Variants in IPO8 observed in about 807,000 individuals in gnomAD.
The protein encoded by IPO8 is importin 8, also known as importin-8.
A neutral mutation model predicts 141.2 loss-of-function variants in IPO8; 65 were observed. The ratio of observed to expected loss-of-function variants is 0.46; its 90% CI spans 0.38 to 0.57. The LOEUF (loss-of-function observed/expected upper bound fraction) is 0.57, where lower values mean the gene tolerates loss of function less well. IPO8 is among the 20% of genes least tolerant of loss of function. The pLI, the probability that IPO8 is intolerant of heterozygous loss-of-function variation, is 0.00. For missense variants in IPO8, 980 were observed against 1,246.8 expected (o/e 0.79, Z 3.22); for synonymous variants, 411 against 420.3 (o/e 0.98, Z 0.27).
chr12:30,693,596 T>C (rs538108915), intron 1 of IPO8, among the ~76,000 whole-genome samples: 1 of 152,220 alleles, frequency 6.6e-6, no homozygotes, highest in Non-Finnish European at 1.5e-5. Context: ...CAAAGTCGGA[T>C]GTTACAGTGG....
chr12:30,651,674 T>C (rs749882723), intron 19 of IPO8, among the ~76,000 whole-genome samples: 17 of 152,068 alleles, frequency 1.1e-4, no homozygotes, highest in Non-Finnish European at 4.4e-5. Context: ...GCCAAACCTA[T>C]CTTGTGGCAA....
At chr12:30,675,707 G>A (rs911123936) in intron 6 of IPO8, among the ~76,000 whole-genome samples, 1 of 151,246 alleles carries the variant, frequency 6.6e-6, no homozygotes, top group African/African-American at 2.4e-5. Flanking sequence ...AGCCGGGCGT[G>A]GTGGCGAGCA....
At chr12:30,648,059 TTAA>T (rs1378272337) in intron 20 of IPO8, among the ~76,000 whole-genome samples, 5 of 152,146 alleles carry the variant, frequency 3.3e-5, no homozygotes, top group African/African-American at 1.2e-4. Context: ...CCTCAAATGA[TTAA>T]ACACAGAATG....
At chr12:30,671,439 C>T (rs1256685192) in intron 8 of IPO8, among the ~76,000 whole-genome samples, 1 of 151,834 alleles carries the variant, frequency 6.6e-6, no homozygotes, top group Non-Finnish European at 1.5e-5. Context: ...TTTGGGAGGC[C>T]GAGGCGGGCG....
At chr12:30,652,842 T>C (rs986424047) in intron 18 of IPO8, 125 bp downstream of exon 18, 1 of 908,304 alleles carries the variant, frequency 1.1e-6, no homozygotes, top group Non-Finnish European at 1.6e-6. Flanking sequence ...CCAGCTTTTA[T>C]GTGACCGGGA....
At position 30,637,205 on chromosome 12, in the gene IPO8, A is replaced by G. The variant is rs1343909341; in HGVS notation, c.2490-18T>C. 1.3e-6 allele frequency: 2 copies of G among 1,586,730 alleles called. No individual in the cohort carries two copies. The highest frequency in any genetic ancestry group is 1.7e-6 in the Non-Finnish European group (2 of 1,157,280). On this transcript the variant is annotated intron_variant, in intron 21 of 24. Coordinates refer to ENST00000256079, the MANE Select transcript of IPO8 (RefSeq NM_006390.4). ...CATGATGCCTGCAAATTTTGAAGAA[A>G]AAAAAAATGTAGACATGAGAAGTGG...
chr12:30,631,702 G>A, intron 24 of IPO8, 193 bp downstream of exon 24: 1 of 496,710 alleles, frequency 2.0e-6, no homozygotes, highest in Non-Finnish European at 3.6e-6. Flanking sequence ...ATATTAATGT[G>A]CAGGTTTTTG....
intron 22 of IPO8, among the ~76,000 whole-genome samples, chr12:30,636,487 C>T (rs2052503351): frequency 6.6e-6 from 1 of 151,936 alleles, no homozygotes; most frequent in Non-Finnish European, 1.5e-5. Flanking sequence ...ATATTTAAAT[C>T]ACAAATATGG....
intron 10 of IPO8, among the ~76,000 whole-genome samples, chr12:30,666,635 G>A: frequency 6.6e-6 from 1 of 152,118 alleles, no homozygotes. Flanking sequence ...AGGTTCTCAC[G>A]GAGCTTATGT....
intron 10 of IPO8, among the ~76,000 whole-genome samples, chr12:30,666,612 A>G (rs2052969020): frequency 6.6e-6 from 1 of 152,204 alleles, no homozygotes; most frequent in Admixed American, 6.5e-5. Flanking sequence ...GGGGATACAA[A>G]GATCAAACAA....
At chr12:30,670,002 C>G (rs558493168) in intron 9 of IPO8, among the ~76,000 whole-genome samples, 1 of 152,080 alleles carries the variant, frequency 6.6e-6, no homozygotes, top group Non-Finnish European at 1.5e-5. Flanking sequence ...TAAGGATCAG[C>G]GTTTTCTTAT....
intron 22 of IPO8, among the ~76,000 whole-genome samples, chr12:30,635,157 C>T (rs2052484227): frequency 6.6e-6 from 1 of 152,006 alleles, no homozygotes; most frequent in Admixed American, 6.6e-5. Context: ...TTACCAGAGG[C>T]TAGAGGTGGT....
chr12:30,677,605 C>T (rs561356090), intron 5 of IPO8, among the ~76,000 whole-genome samples: 68 of 151,788 alleles, frequency 4.5e-4, no homozygotes, highest in African/African-American at 1.6e-3. Context: ...GAAATGAAGA[C>T]ACTCCAGCAG....
intron 5 of IPO8, among the ~76,000 whole-genome samples, chr12:30,680,139 T>TTCCTTCTTCTTC (rs1365569857): frequency 1.4e-5 from 2 of 145,320 alleles, no homozygotes; most frequent in Non-Finnish European, 3.0e-5. Flanking sequence ...CCTTCTTCTT[T>TTCCTTCTTCTTC]TCCTTCTTCT....
intron 11 of IPO8, 151 bp from the exon 12 acceptor site, chr12:30,665,996 A>T: frequency 1.5e-6 from 1 of 672,296 alleles, no homozygotes; most frequent in Non-Finnish European, 2.5e-6. Flanking sequence ...TAATTTATTA[A>T]GAAAACGAAA....
intron 19 of IPO8, among the ~76,000 whole-genome samples, chr12:30,651,862 A>G (rs2052731433): frequency 6.6e-6 from 1 of 152,132 alleles, no homozygotes; most frequent in South Asian, 2.1e-4. Context: ...ATTAAATTAA[A>G]AAATAAAAAA....
At chr12:30,673,164 CAGG>C (rs1048103897) in intron 8 of IPO8, among the ~76,000 whole-genome samples, 54 of 152,108 alleles carry the variant, frequency 3.6e-4, no homozygotes, top group African/African-American at 1.3e-3. Flanking sequence ...GAGGCTGAGG[CAGG>C]AGAATTGCTT....
Position 30,652,943 on chromosome 12 carries a change from A to T in IPO8, c.2074+24T>A, listed in dbSNP as rs200405639. 4.2e-5 allele frequency: 66 copies of T among 1,565,354 alleles called. No homozygotes were observed. In the African/African-American group the frequency reaches 8.3e-4, roughly 20 times the overall value. ...AAGTATCTAGACACAGAAAAGCAAA[A>T]ATTTTATATGGTCAAAGCCATACCT... On this transcript the variant is annotated intron_variant, in intron 18 of 24. Coordinates refer to ENST00000256079, the MANE Select transcript of IPO8 (RefSeq NM_006390.4).
chr12:30,679,216 G>A (rs552420244), intron 5 of IPO8, among the ~76,000 whole-genome samples: 1 of 152,052 alleles, frequency 6.6e-6, no homozygotes, highest in Non-Finnish European at 1.5e-5. Flanking sequence ...TGTAATAGTG[G>A]CTCCTAATGC....
Sources: gnomAD v4.1 joint callset for allele counts (sites outside exome capture counted in the v4.1 genomes callset) on GRCh38, gnomAD v4.1.1 for gene constraint, MANE v1.5 for transcripts, NCBI Gene and HGNC (gene_info 2026-07-23, HGNC 2026-07-21) for gene names.